PPARGC1A: variants seen among roughly 807,000 people sequenced by gnomAD.
The protein encoded by PPARGC1A is PPARG coactivator 1 alpha.
A neutral mutation model predicts 88.7 loss-of-function variants in PPARGC1A; 25 were observed. The observed-to-expected ratio is 0.28, with a 90% CI of 0.21 to 0.39. The LOEUF is 0.39. Among genes scored for constraint, PPARGC1A ranks in the 10% least tolerant of loss-of-function variants. PPARGC1A has a pLI of 1.00. For synonymous variants in PPARGC1A, 363 were observed against 355.6 expected (o/e 1.02, Z -0.24); for missense variants, 880 against 968.7 (o/e 0.91, Z 1.22).
chr4:24,031,124 A>G, the PPARGC1A span, among the ~76,000 whole-genome samples: 1 of 152,130 alleles, frequency 6.6e-6, no homozygotes, highest in Non-Finnish European at 1.5e-5. Flanking sequence ...GCTCTTTACT[A>G]TGTCCCTGGC....
chr4:24,187,423 T>C, the PPARGC1A span, among the ~76,000 whole-genome samples: 1 of 152,212 alleles, frequency 6.6e-6, no homozygotes, highest in Non-Finnish European at 1.5e-5. Context: ...TTAACCACCA[T>C]GTTAAGCTAC....
At chr4:24,453,278 C>A in the PPARGC1A span, among the ~76,000 whole-genome samples, 11 of 152,150 alleles carry the variant, frequency 7.2e-5, no homozygotes, top group Non-Finnish European at 1.6e-4. Flanking sequence ...TTTAAGACAC[C>A]GAGCCCGTGG....
chr4:24,353,304 G>A, the PPARGC1A span, among the ~76,000 whole-genome samples: 2 of 150,806 alleles, frequency 1.3e-5, no homozygotes, highest in Admixed American at 6.6e-5. Flanking sequence ...AGTAATCAGG[G>A]AAGCCGAGCA....
the PPARGC1A span, among the ~76,000 whole-genome samples, chr4:24,166,495 C>T: frequency 7.9e-4 from 121 of 152,298 alleles, no homozygotes; most frequent in African/African-American, 2.6e-3. Flanking sequence ...GGAGTCAATG[C>T]TTGGCTTCAA....
At chr4:24,340,666 A>G in the PPARGC1A span, among the ~76,000 whole-genome samples, 1 of 152,166 alleles carries the variant, frequency 6.6e-6, no homozygotes, top group Non-Finnish European at 1.5e-5. Flanking sequence ...TAACAGTATC[A>G]TTTGCCATGA....
intron 2 of PPARGC1A, among the ~76,000 whole-genome samples, chr4:23,837,837 G>T (rs779626222): frequency 7.9e-5 from 12 of 152,182 alleles, no homozygotes; most frequent in Non-Finnish European, 1.2e-4. Flanking sequence ...CAGTGGGTCA[G>T]AGGTGTGTCT....
chr4:23,932,957 A>T, the PPARGC1A span, among the ~76,000 whole-genome samples: 1 of 152,210 alleles, frequency 6.6e-6, no homozygotes, highest in South Asian at 2.1e-4. Context: ...GAGAAGAAAG[A>T]ACACTTGTGT....
At chr4:24,213,224 T>C in the PPARGC1A span, among the ~76,000 whole-genome samples, 4 of 146,916 alleles carry the variant, frequency 2.7e-5, no homozygotes, top group Admixed American at 1.4e-4. Flanking sequence ...TGGAGTGCAG[T>C]GGCGCGATCT....
At chr4:23,919,599 AT>A in the PPARGC1A span, among the ~76,000 whole-genome samples, 1 of 151,366 alleles carries the variant, frequency 6.6e-6, no homozygotes, top group Non-Finnish European at 1.5e-5. Flanking sequence ...GGCAGCTCAG[AT>A]TTTGCTTACT....
the PPARGC1A span, among the ~76,000 whole-genome samples, chr4:24,364,627 T>A: frequency 6.6e-6 from 1 of 152,154 alleles, no homozygotes; most frequent in African/African-American, 2.4e-5. Context: ...AAAACTTACC[T>A]CTGATGAGGA....
At chr4:24,124,811 G>T in the PPARGC1A span, among the ~76,000 whole-genome samples, 3 of 152,166 alleles carry the variant, frequency 2.0e-5, no homozygotes, top group Non-Finnish European at 4.4e-5. Flanking sequence ...GGAGATGCTA[G>T]AAAAGGAGAC....
chr4:24,196,912 T>C, the PPARGC1A span, among the ~76,000 whole-genome samples: 1 of 152,186 alleles, frequency 6.6e-6, no homozygotes, highest in Non-Finnish European at 1.5e-5. Flanking sequence ...TTAATTGCTA[T>C]AAATAGATGA....
At chr4:24,332,597 T>A in the PPARGC1A span, among the ~76,000 whole-genome samples, 1 of 152,200 alleles carries the variant, frequency 6.6e-6, no homozygotes, top group Non-Finnish European at 1.5e-5. Context: ...GAACTCAGAG[T>A]ACATTTTTCA....
chr4:24,111,245 G>C, the PPARGC1A span, among the ~76,000 whole-genome samples: 1 of 151,888 alleles, frequency 6.6e-6, no homozygotes. Flanking sequence ...TCAGTGTTGT[G>C]TATATTGACT....
At chr4:23,914,457 C>A in the PPARGC1A span, among the ~76,000 whole-genome samples, 1 of 152,182 alleles carries the variant, frequency 6.6e-6, no homozygotes, top group Admixed American at 6.5e-5. Context: ...TCCACAATCA[C>A]TACAATCTCA....
chr4:24,275,950 C>T, the PPARGC1A span, among the ~76,000 whole-genome samples: 594 of 152,090 alleles, frequency 3.9e-3, 18 homozygotes, highest in East Asian at 0.093. Context: ...AGGAGGGAAG[C>T]GAGAAAGAAT....
At chr4:24,008,625 T>C in the PPARGC1A span, among the ~76,000 whole-genome samples, 2 of 152,018 alleles carry the variant, frequency 1.3e-5, no homozygotes, top group Admixed American at 6.6e-5. Flanking sequence ...AGCCATAGAG[T>C]AACTGCTATC....
chr4:23,885,790 G>T (rs1716775520), intron 1 of PPARGC1A, among the ~76,000 whole-genome samples: 1 of 152,102 alleles, frequency 6.6e-6, no homozygotes. Context: ...TGCTCTACGT[G>T]AATTCAAAAT....
chr4:23,994,688 G>A, the PPARGC1A span, among the ~76,000 whole-genome samples: 53 of 152,236 alleles, frequency 3.5e-4, no homozygotes, highest in African/African-American at 1.2e-3. Context: ...AGAGGCAAGA[G>A]CATGCAGGGA....
Sources: gnomAD v4.1 joint callset for allele counts (sites outside exome capture counted in the v4.1 genomes callset) on GRCh38, gnomAD v4.1.1 for gene constraint, MANE v1.5 for transcripts, NCBI Gene and HGNC (gene_info 2026-07-23, HGNC 2026-07-21) for gene names.